The following ABLIM1 variants were observed in gnomAD, a reference collection of about 807,000 sequenced individuals.
ABLIM1 encodes actin binding LIM protein 1.
In ABLIM1, 40 loss-of-function variants were observed where a neutral mutation model predicts 107.0. The observed-to-expected ratio is 0.37, with a 90% CI of 0.29 to 0.49. The LOEUF (loss-of-function observed/expected upper bound fraction) is 0.49, where lower values mean the gene tolerates loss of function less well. Ranked by LOEUF, ABLIM1 falls within the 20% of genes least tolerant of loss-of-function variation. The probability of loss-of-function intolerance (pLI) is 0.97; values close to 1 mark genes in which losing one functional copy is unlikely to be tolerated. For missense variants in ABLIM1, 857 were observed against 1,008.5 expected, an observed-to-expected ratio of 0.85 and a Z score of 2.04; for synonymous variants, 357 against 357.3, an observed-to-expected ratio of 1.00 and a Z score of 0.01.
At chr10:114,701,962 T>C (rs2081315349) in intron 1 of ABLIM1, among the ~76,000 whole-genome samples, 1 of 152,220 alleles carries the variant, frequency 6.6e-6, no homozygotes, top group Non-Finnish European at 1.5e-5. Context: ...GGCAGAGTGT[T>C]GAAGCTGGGC....
intron 12 of ABLIM1, among the ~76,000 whole-genome samples, chr10:114,464,808 G>C (rs2064793619): frequency 6.6e-6 from 1 of 152,168 alleles, no homozygotes; most frequent in African/African-American, 2.4e-5. Flanking sequence ...ATATGGGTTT[G>C]CTCTCATCTA....
intron 1 of ABLIM1, among the ~76,000 whole-genome samples, chr10:114,674,400 C>T (rs1026686518): frequency 2.6e-5 from 4 of 151,986 alleles, no homozygotes; most frequent in African/African-American, 7.3e-5. Flanking sequence ...AAATGTACAT[C>T]GTAACTGTAA....
intron 6 of ABLIM1, among the ~76,000 whole-genome samples, chr10:114,495,588 A>G (rs952778590): frequency 6.6e-5 from 10 of 151,948 alleles, no homozygotes; most frequent in African/African-American, 2.4e-4. Flanking sequence ...TAATGATGAT[A>G]TTGTGGTGAC....
chr10:114,568,519 A>G (rs896236559), intron 4 of ABLIM1, among the ~76,000 whole-genome samples: 6 of 152,240 alleles, frequency 3.9e-5, no homozygotes, highest in South Asian at 2.1e-4. Flanking sequence ...TTATGCTCCA[A>G]TGAATTTCTG....
At chr10:114,565,838 A>G (rs2070645395) in intron 4 of ABLIM1, among the ~76,000 whole-genome samples, 1 of 120,944 alleles carries the variant, frequency 8.3e-6, no homozygotes, top group African/African-American at 3.1e-5. Context: ...TCTGTCGCCC[A>G]GGCTGGAGTG....
intron 6 of ABLIM1, among the ~76,000 whole-genome samples, chr10:114,497,386 G>A (rs768038284): frequency 2.0e-5 from 3 of 152,092 alleles, no homozygotes; most frequent in Non-Finnish European, 4.4e-5. Flanking sequence ...AAAAAATCAC[G>A]TCCCCATTTC....
At chr10:114,438,735 C>A (rs1038226353) in intron 21 of ABLIM1, among the ~76,000 whole-genome samples, 43 of 152,290 alleles carry the variant, frequency 2.8e-4, no homozygotes, top group African/African-American at 9.4e-4. Flanking sequence ...GGAGCATGAG[C>A]CCTTGGACAA....
At chr10:114,747,109 C>G (rs1488556519) in intron 1 of ABLIM1, among the ~76,000 whole-genome samples, 2 of 152,114 alleles carry the variant, frequency 1.3e-5, no homozygotes, top group African/African-American at 4.8e-5. Flanking sequence ...ATCAAATGAT[C>G]CTTAAAAAAC....
At chr10:114,656,147 G>A (rs570490325) in intron 1 of ABLIM1, among the ~76,000 whole-genome samples, 8 of 151,618 alleles carry the variant, frequency 5.3e-5, no homozygotes, top group South Asian at 2.1e-4. Flanking sequence ...GCACATGCCG[G>A]TAATCCAAAC....
intron 8 of ABLIM1, among the ~76,000 whole-genome samples, chr10:114,478,835 T>A (rs2056886873): frequency 6.6e-6 from 1 of 152,234 alleles, no homozygotes; most frequent in African/African-American, 2.4e-5. Context: ...CCTAAGTTTA[T>A]GGTAAAATTT....
chr10:114,770,726 C>T (rs966025115), upstream of ABLIM1, among the ~76,000 whole-genome samples: 4 of 152,164 alleles, frequency 2.6e-5, no homozygotes, highest in African/African-American at 9.7e-5. Flanking sequence ...GGGACTTGGC[C>T]AGTCTTGTCG....
upstream of ABLIM1, among the ~76,000 whole-genome samples, chr10:114,662,399 C>T (rs1040509625): frequency 1.3e-5 from 2 of 152,058 alleles, no homozygotes; most frequent in Non-Finnish European, 2.9e-5. Context: ...CAGACAGTGA[C>T]GACTCGGCCC....
At chr10:114,585,764 C>G (rs910543503) in intron 2 of ABLIM1, among the ~76,000 whole-genome samples, 1 of 152,162 alleles carries the variant, frequency 6.6e-6, no homozygotes, top group Non-Finnish European at 1.5e-5. Flanking sequence ...CAGGTTCACC[C>G]TCATGGCAAA....
intron 1 of ABLIM1, among the ~76,000 whole-genome samples, chr10:114,691,832 C>T (rs2081085631): frequency 1.3e-5 from 2 of 152,084 alleles, no homozygotes; most frequent in Admixed American, 1.3e-4. Context: ...ATAGCTTCAC[C>T]CCCAGAGAAT....
chr10:114,609,016 A>AG (rs1566088266), intron 1 of ABLIM1, among the ~76,000 whole-genome samples: 1 of 152,134 alleles, frequency 6.6e-6, no homozygotes, highest in African/African-American at 2.4e-5. Flanking sequence ...CAAAAAAAAA[A>AG]AAAAGTTCCA....
chr10:114,713,382 G>T (rs2081593065), intron 1 of ABLIM1, among the ~76,000 whole-genome samples: 1 of 152,102 alleles, frequency 6.6e-6, no homozygotes, highest in South Asian at 2.1e-4. Flanking sequence ...GTGGAGCTGG[G>T]GTGGCAAATA....
chr10:114,647,828 T>G (rs1002548849), intron 1 of ABLIM1, among the ~76,000 whole-genome samples: 1 of 152,190 alleles, frequency 6.6e-6, no homozygotes, highest in African/African-American at 2.4e-5. Flanking sequence ...CAAACAAAAC[T>G]TGGGGGGCCA....
intron 1 of ABLIM1, among the ~76,000 whole-genome samples, chr10:114,728,516 TAAA>T (rs10628347): frequency 6.6e-5 from 6 of 90,638 alleles, no homozygotes; most frequent in African/African-American, 1.4e-4. Context: ...GATAAGGCAG[TAAA>T]AAAAAAAAAA....
At chr10:114,749,073 C>A (rs916675967) in intron 1 of ABLIM1, among the ~76,000 whole-genome samples, 16 of 152,270 alleles carry the variant, frequency 1.1e-4, no homozygotes, top group African/African-American at 3.9e-4. Flanking sequence ...GAATGCCTAA[C>A]AATTTAATCT....
Sources: gnomAD v4.1 joint callset for allele counts (sites outside exome capture counted in the v4.1 genomes callset) on GRCh38, gnomAD v4.1.1 for gene constraint, MANE v1.5 for transcripts, NCBI Gene and HGNC (gene_info 2026-07-23, HGNC 2026-07-21) for gene names.